The following ALG6 variants were observed in gnomAD, a reference collection of about 807,000 sequenced individuals.
ALG6 encodes the protein ALG6 alpha-1,3-glucosyltransferase.
Under a neutral mutation model 66.6 loss-of-function variants are expected in ALG6, and 46 were observed. The ratio of observed to expected loss-of-function variants is 0.69; its 90% CI spans 0.55 to 0.88. The LOEUF is 0.88. ALG6 is among the 40% of genes least tolerant of loss of function. ALG6 has a pLI of 0.00. For synonymous variants in ALG6, 185 were observed against 203.7 expected (o/e 0.91, Z 0.78); for missense variants, 505 against 586.8 (o/e 0.86, Z 1.44).
At chr1:63,382,655 GTTTTT>G (rs1388211782) in intron 2 of ALG6, among the ~76,000 whole-genome samples, 1 of 81,228 alleles carries the variant, frequency 1.2e-5, no homozygotes, top group Non-Finnish European at 2.5e-5. Flanking sequence ...TTTTTTGTTT[GTTTTT>G]TTTTGTTTTT....
chr1:63,368,988 T>TC (rs1647821224), intron 1 of ALG6, among the ~76,000 whole-genome samples: 1 of 152,180 alleles, frequency 6.6e-6, no homozygotes, highest in Non-Finnish European at 1.5e-5. Flanking sequence ...CCTTCTTTCC[T>TC]CCCCAAAGGT....
chr1:63,425,875 C>A (rs1474397033), intron 12 of ALG6, among the ~76,000 whole-genome samples: 2 of 151,858 alleles, frequency 1.3e-5, no homozygotes, highest in Non-Finnish European at 2.9e-5. Flanking sequence ...AAAGTGAAAA[C>A]GTGGTAGGAA....
At chr1:63,368,576 C>T (rs1402418404) in intron 1 of ALG6, among the ~76,000 whole-genome samples, 1 of 152,046 alleles carries the variant, frequency 6.6e-6, no homozygotes, top group Non-Finnish European at 1.5e-5. Context: ...TCTTGGCTCA[C>T]TGCAACCTCT....
chr1:63,400,775 G>A (rs1053940662), intron 3 of ALG6, among the ~76,000 whole-genome samples: 2 of 152,132 alleles, frequency 1.3e-5, no homozygotes, highest in Admixed American at 1.3e-4. Flanking sequence ...GTTGTTTTGT[G>A]GCTAGTAGCC....
At chr1:63,403,358 G>A (rs955252033) in intron 4 of ALG6, among the ~76,000 whole-genome samples, 16 of 152,094 alleles carry the variant, frequency 1.1e-4, no homozygotes, top group African/African-American at 3.9e-4. Context: ...TAGAATAATT[G>A]TAGTGTTTCA....
In ALG6 at chr1:63,382,166, A is replaced by T. The variant is rs181657283; in HGVS notation, c.82+11107A>T. Among the ~76,000 whole-genome samples, 427 of 150,458 alleles carry T rather than the reference A, an allele frequency of 2.8e-3. 4 individuals are homozygous for T. The highest frequency in any genetic ancestry group is 9.3e-3 in the African/African-American group (384 of 41,306). On this transcript the variant is annotated intron_variant, in intron 2 of 14. Coordinates refer to ENST00000263440, the MANE Select transcript of ALG6 (RefSeq NM_013339.4). Reference sequence around the variant, plus strand: ...TGGGTCACATGAGATTTTTTTTTTAAAAATTTTATTTATATTTTTATTATT... The same window carrying T: ...TGGGTCACATGAGATTTTTTTTTTATAAATTTTATTTATATTTTTATTATT...
chr1:63,417,720 G>C (rs1222978639), intron 11 of ALG6, among the ~76,000 whole-genome samples: 7 of 152,148 alleles, frequency 4.6e-5, no homozygotes, highest in African/African-American at 1.7e-4. Flanking sequence ...GGCATGTAAA[G>C]GAATGACAGA....
chr1:63,383,001 C>T (rs1472640088), intron 2 of ALG6, among the ~76,000 whole-genome samples: 3 of 151,872 alleles, frequency 2.0e-5, no homozygotes, highest in South Asian at 2.1e-4. Flanking sequence ...TTAGCAGAGT[C>T]GGGGTTTTAC....
Position 63,386,194 on chromosome 1 carries a change from T to C in ALG6, c.83-10319T>C, listed in dbSNP as rs188040588. Among the ~76,000 whole-genome samples the C allele has an allele frequency of 1.5e-3, 222 of 152,348 alleles. 2 individuals carry two copies. Among genetic ancestry groups the C allele is most frequent in the African/African-American group, 5.1e-3 (212 of 41,584 alleles). ...GGGTTATGGTGAATGATCTTTTTAA[T>C]GCACTGTTGATTACAGTTTGCTAGT... On this transcript the variant is annotated intron_variant, in intron 2 of 14. Transcript: ENST00000263440.
chr1:63,384,170 T>G (rs529398195), intron 2 of ALG6, among the ~76,000 whole-genome samples: 2 of 152,368 alleles, frequency 1.3e-5, no homozygotes, highest in Non-Finnish European at 2.9e-5. Flanking sequence ...GCCTGTCGTT[T>G]GGATAAAAGC....
intron 2 of ALG6, among the ~76,000 whole-genome samples, chr1:63,388,641 T>G (rs1435579359): frequency 1.3e-5 from 2 of 152,220 alleles, no homozygotes; most frequent in Non-Finnish European, 2.9e-5. Flanking sequence ...TAAAATACTT[T>G]GTGTACTTAC....
chr1:63,401,226 CTA>C (rs1644463707), intron 3 of ALG6, among the ~76,000 whole-genome samples: 2 of 152,252 alleles, frequency 1.3e-5, no homozygotes, highest in Admixed American at 6.5e-5. Context: ...CCATACAAAC[CTA>C]TGTTTTATGT....
Position 63,406,895 on chromosome 1 carries a change from A to G in ALG6, c.430-167A>G, listed in dbSNP as rs868767232. On this transcript the variant is annotated intron_variant, in intron 6 of 14. Coordinates refer to ENST00000263440, the MANE Select transcript of ALG6 (RefSeq NM_013339.4). ...CCAATGTCACCTTCATGAAAACTTC[A>G]TTGTCTAAAGAGTTGTATTATAAAA... Among the ~76,000 whole-genome samples, 30 of 151,970 alleles carry G rather than the reference A, an allele frequency of 2.0e-4. 1 individual carries two copies. The highest frequency in any genetic ancestry group is 8.8e-5 in the Non-Finnish European group (6 of 67,904).
intron 11 of ALG6, among the ~76,000 whole-genome samples, chr1:63,418,110 G>C (rs1439499379): frequency 1.3e-5 from 2 of 150,628 alleles, no homozygotes; most frequent in Non-Finnish European, 3.0e-5. Context: ...CTCCAGCCTG[G>C]GCAACAAGAG....
intron 2 of ALG6, among the ~76,000 whole-genome samples, chr1:63,379,506 T>C (rs1289278663): frequency 6.6e-6 from 1 of 152,188 alleles, no homozygotes; most frequent in Non-Finnish European, 1.5e-5. Context: ...CTTGAATTCC[T>C]ACCTGTTCAG....
chr1:63,421,918 A>G (rs1175915644), intron 12 of ALG6, among the ~76,000 whole-genome samples: 1 of 150,758 alleles, frequency 6.6e-6, no homozygotes, highest in Admixed American at 6.7e-5. Context: ...TACGTAATGT[A>G]GATGACAGGT....
intron 12 of ALG6, among the ~76,000 whole-genome samples, chr1:63,423,925 C>T (rs1464056782): frequency 6.6e-6 from 1 of 152,156 alleles, no homozygotes; most frequent in Non-Finnish European, 1.5e-5. Flanking sequence ...ACTTAACATT[C>T]CCACTAATAA....
chr1:63,381,626 C>T (rs1648310576), intron 2 of ALG6, among the ~76,000 whole-genome samples: 1 of 140,846 alleles, frequency 7.1e-6, no homozygotes, highest in Non-Finnish European at 1.5e-5. Context: ...GCCTGGGTGA[C>T]AGAACAAGAC....
chr1:63,428,104 C>T (rs1379201167), intron 12 of ALG6: 1 of 152,656 alleles, frequency 6.6e-6, no homozygotes, highest in Non-Finnish European at 1.5e-5. Context: ...GCCACTGTGC[C>T]TGGCCCCTAA....
Sources: gnomAD v4.1 joint callset for allele counts (sites outside exome capture counted in the v4.1 genomes callset) on GRCh38, gnomAD v4.1.1 for gene constraint, MANE v1.5 for transcripts, NCBI Gene and HGNC (gene_info 2026-07-23, HGNC 2026-07-21) for gene names.